CNTNAP2: variants seen among roughly 807,000 people sequenced by gnomAD.
CNTNAP2 encodes contactin-associated protein-like 2.
A neutral mutation model predicts 155.2 loss-of-function variants in CNTNAP2; 98 were observed. That is an observed-to-expected ratio of 0.63 (90% CI 0.54 to 0.75). CNTNAP2 has a LOEUF of 0.75. Among genes scored for constraint, CNTNAP2 ranks in the 30% least tolerant of loss-of-function variants. CNTNAP2 has a pLI of 0.00. For missense variants in CNTNAP2, 1,727 were observed against 1,688.1 expected (o/e 1.02, Z -0.40); for synonymous variants, 651 against 631.2 (o/e 1.03, Z -0.47).
intron 13 of CNTNAP2, among the ~76,000 whole-genome samples, chr7:147,849,120 A>G (rs1798874778): frequency 6.6e-6 from 1 of 152,248 alleles, no homozygotes; most frequent in African/African-American, 2.4e-5. Flanking sequence ...AAATGGCATA[A>G]AACAGCAACA....
At chr7:147,060,321 T>G (rs1377038358) in intron 4 of CNTNAP2, among the ~76,000 whole-genome samples, 1 of 152,212 alleles carries the variant, frequency 6.6e-6, no homozygotes, top group East Asian at 1.9e-4. Flanking sequence ...GCAAATTATT[T>G]AAAGCAATTT....
chr7:147,563,275 C>T (rs147613074), intron 12 of CNTNAP2, among the ~76,000 whole-genome samples: 69 of 152,174 alleles, frequency 4.5e-4, no homozygotes, highest in Middle Eastern at 3.4e-3. Context: ...GTCTAACACA[C>T]GGTAAACCTT....
At chr7:146,327,054 A>G (rs1801109842) in intron 1 of CNTNAP2, among the ~76,000 whole-genome samples, 1 of 152,192 alleles carries the variant, frequency 6.6e-6, no homozygotes, top group Non-Finnish European at 1.5e-5. Context: ...TGCAAGTAGT[A>G]AAATCTGACA....
At chr7:148,334,450 T>G (rs1798082716) in intron 21 of CNTNAP2, among the ~76,000 whole-genome samples, 1 of 152,188 alleles carries the variant, frequency 6.6e-6, no homozygotes, top group Admixed American at 6.5e-5. Flanking sequence ...ACACAATAAC[T>G]TGGCAAGACA....
chr7:147,815,707 G>A (rs1158226683), intron 13 of CNTNAP2, among the ~76,000 whole-genome samples: 1 of 152,142 alleles, frequency 6.6e-6, no homozygotes, highest in East Asian at 1.9e-4. Context: ...GGATCCAGGT[G>A]TGGACATTTT....
intron 16 of CNTNAP2, among the ~76,000 whole-genome samples, chr7:148,133,066 A>C (rs1239621986): frequency 5.9e-5 from 9 of 152,214 alleles, no homozygotes; most frequent in Non-Finnish European, 1.3e-4. Context: ...AAATGTGATA[A>C]GGTCATAAGA....
chr7:147,411,038 C>T (rs914188141), intron 10 of CNTNAP2, among the ~76,000 whole-genome samples: 1 of 152,174 alleles, frequency 6.6e-6, no homozygotes, highest in Non-Finnish European at 1.5e-5. Flanking sequence ...ACTGTTTTAT[C>T]TCAGAGACAA....
intron 15 of CNTNAP2, among the ~76,000 whole-genome samples, chr7:148,021,160 A>T (rs1183928062): frequency 6.7e-6 from 1 of 149,996 alleles, no homozygotes; most frequent in Non-Finnish European, 1.5e-5. Flanking sequence ...GAATCAAGGT[A>T]GGATGCCTTT....
At chr7:147,959,855 A>T (rs969668064) in intron 14 of CNTNAP2, among the ~76,000 whole-genome samples, 1 of 152,136 alleles carries the variant, frequency 6.6e-6, no homozygotes, top group Admixed American at 6.6e-5. Context: ...GTCGAGTCCC[A>T]GTTGGTACCT....
At chr7:146,725,832 C>A (rs1801422385) in intron 1 of CNTNAP2, among the ~76,000 whole-genome samples, 1 of 152,124 alleles carries the variant, frequency 6.6e-6, no homozygotes, top group African/African-American at 2.4e-5. Context: ...TGCCAGGTCA[C>A]CCCCTTTCTT....
At chr7:146,993,978 G>A (rs1798257322) in intron 3 of CNTNAP2, among the ~76,000 whole-genome samples, 1 of 152,112 alleles carries the variant, frequency 6.6e-6, no homozygotes, top group South Asian at 2.1e-4. Context: ...CTGAACTACT[G>A]TGAACCTAAT....
intron 3 of CNTNAP2, among the ~76,000 whole-genome samples, chr7:147,029,306 T>C (rs1336581014): frequency 6.6e-6 from 1 of 152,002 alleles, no homozygotes; most frequent in Non-Finnish European, 1.5e-5. Context: ...AGAAGATGAC[T>C]AAGGGAGATA....
intron 10 of CNTNAP2, among the ~76,000 whole-genome samples, chr7:147,425,889 G>A (rs553330032): frequency 5.3e-5 from 8 of 152,064 alleles, no homozygotes; most frequent in African/African-American, 1.4e-4. Context: ...TTATTCTAAC[G>A]TTAAACAGAA....
chr7:148,416,292 G>C lies in CNTNAP2; in HGVS notation c.*676G>C, dbSNP rs1411215749. ...ACGACACAATCAGCACAACTGGAGA[G>C]AGGCATTAAAGAACCAGGGAAGGTA... On this transcript the variant is annotated 3_prime_UTR_variant, in exon 24 of 24. Transcript: ENST00000361727. 1 of 152,432 alleles carries C rather than the reference G, an allele frequency of 6.6e-6. No homozygotes were observed. Among genetic ancestry groups the C allele is most frequent in the Non-Finnish European group, 1.5e-5 (1 of 68,242 alleles). The allele number at this position is 152,432 out of a possible 1,614,324, so 9.4% of individuals were successfully genotyped here. A position where few individuals can be genotyped will look rare whatever the true frequency, so the allele number is the denominator to read the frequency against.
chr7:146,730,070 C>T (rs949072021), intron 1 of CNTNAP2, among the ~76,000 whole-genome samples: 7 of 152,110 alleles, frequency 4.6e-5, no homozygotes, highest in African/African-American at 1.7e-4. Context: ...GTCTGAACAG[C>T]TATTGAGTTG....
At chr7:146,520,736 T>G (rs1797606181) in intron 1 of CNTNAP2, among the ~76,000 whole-genome samples, 1 of 151,840 alleles carries the variant, frequency 6.6e-6, no homozygotes, top group South Asian at 2.1e-4. Flanking sequence ...AACTATGAAC[T>G]CTTAAGCAAC....
intron 14 of CNTNAP2, among the ~76,000 whole-genome samples, chr7:147,938,192 A>G (rs1323207515): frequency 2.6e-5 from 4 of 152,184 alleles, no homozygotes; most frequent in East Asian, 1.9e-4. Context: ...TCTTCCTGCA[A>G]TAGAAGTCCT....
At chr7:146,405,904 G>A (rs529684181) in intron 1 of CNTNAP2, among the ~76,000 whole-genome samples, 1 of 152,144 alleles carries the variant, frequency 6.6e-6, no homozygotes, top group African/African-American at 2.4e-5. Context: ...CTTTTGTCAC[G>A]ATGACAACTG....
intron 13 of CNTNAP2, among the ~76,000 whole-genome samples, chr7:147,648,658 G>T (rs945458859): frequency 6.6e-6 from 1 of 152,256 alleles, no homozygotes; most frequent in East Asian, 1.9e-4. Context: ...ATCAGATCTT[G>T]TGAGACTTAT....
Sources: gnomAD v4.1 joint callset for allele counts (sites outside exome capture counted in the v4.1 genomes callset) on GRCh38, gnomAD v4.1.1 for gene constraint, MANE v1.5 for transcripts, NCBI Gene and HGNC (gene_info 2026-07-23, HGNC 2026-07-21) for gene names.